MACROD2: variants seen among roughly 807,000 people sequenced by gnomAD.
MACROD2 encodes the protein mono-ADP ribosylhydrolase 2, also known as ADP-ribose glycohydrolase MACROD2.
Under a neutral mutation model 70.4 loss-of-function variants are expected in MACROD2, and 36 were observed. The ratio of observed to expected loss-of-function variants is 0.51; its 90% CI spans 0.39 to 0.68. The LOEUF is 0.68. Among genes scored for constraint, MACROD2 ranks in the 30% least tolerant of loss-of-function variants. The pLI is 0.00. For missense variants in MACROD2, 496 were observed against 538.4 expected (o/e 0.92, Z 0.78); for synonymous variants, 172 against 178.8 (o/e 0.96, Z 0.30).
At chr20:14,154,394 T>C (rs185733908) in intron 3 of MACROD2, among the ~76,000 whole-genome samples, 45 of 150,780 alleles carry the variant, frequency 3.0e-4, no homozygotes, top group Non-Finnish European at 3.4e-4. Flanking sequence ...CTTTTCTTTT[T>C]TTTTTTTTTT....
chr20:15,151,200 T>G (rs2076267115), intron 5 of MACROD2, among the ~76,000 whole-genome samples: 1 of 151,980 alleles, frequency 6.6e-6, no homozygotes, highest in Admixed American at 6.5e-5. Flanking sequence ...AGTCCAATTT[T>G]CAGTGGGGTC....
chr20:15,252,927 C>T (rs192573829), intron 6 of MACROD2, among the ~76,000 whole-genome samples: 25 of 152,294 alleles, frequency 1.6e-4, no homozygotes, highest in Middle Eastern at 3.4e-3. Flanking sequence ...TCAGCATATT[C>T]GCCCCTTGAC....
intron 3 of MACROD2, among the ~76,000 whole-genome samples, chr20:14,197,006 A>G (rs1475385280): frequency 6.6e-6 from 1 of 152,252 alleles, no homozygotes; most frequent in Non-Finnish European, 1.5e-5. Context: ...CATGCTGTAC[A>G]CACGGCATAT....
intron 6 of MACROD2, among the ~76,000 whole-genome samples, chr20:15,416,795 C>T (rs532761296): frequency 2.0e-5 from 3 of 151,864 alleles, no homozygotes; most frequent in East Asian, 1.9e-4. Flanking sequence ...CCCAGCTACT[C>T]GGGAGGCTGA....
intron 4 of MACROD2, among the ~76,000 whole-genome samples, chr20:14,576,876 T>C (rs141182220): frequency 6.6e-6 from 1 of 152,214 alleles, no homozygotes; most frequent in African/African-American, 2.4e-5. Context: ...TCAAAGTAAT[T>C]ACAGGATTTA....
At chr20:15,197,058 G>A (rs757240128) in intron 5 of MACROD2, 36 of 982,230 alleles carry the variant, frequency 3.7e-5, no homozygotes, top group Non-Finnish European at 4.2e-5. Context: ...ACTCTTATAA[G>A]GTCCTTATAA....
chr20:15,823,589 C>T (rs897340917), intron 8 of MACROD2, among the ~76,000 whole-genome samples: 10 of 152,060 alleles, frequency 6.6e-5, no homozygotes, highest in African/African-American at 1.7e-4. Flanking sequence ...CATTAAATAG[C>T]GGTCATCACG....
intron 6 of MACROD2, among the ~76,000 whole-genome samples, chr20:15,403,703 G>T (rs6043257): frequency 6.6e-6 from 1 of 152,096 alleles, no homozygotes. Flanking sequence ...AATATGAGCA[G>T]TTGCCCTGAT....
chr20:15,663,261 A>G (rs2049848416), intron 8 of MACROD2, among the ~76,000 whole-genome samples: 1 of 141,186 alleles, frequency 7.1e-6, no homozygotes, highest in African/African-American at 2.7e-5. Flanking sequence ...TTTGAGACAG[A>G]GTCTTGCTCT....
intron 5 of MACROD2, among the ~76,000 whole-genome samples, chr20:14,793,888 C>T (rs1021538059): frequency 8.6e-5 from 13 of 151,950 alleles, no homozygotes; most frequent in South Asian, 2.1e-4. Context: ...GAGCTATGGC[C>T]GGGGCTTCTC....
chr20:15,624,157 T>C (rs1430829612), intron 8 of MACROD2, among the ~76,000 whole-genome samples: 1 of 152,150 alleles, frequency 6.6e-6, no homozygotes, highest in African/African-American at 2.4e-5. Context: ...GCCAAAGAAC[T>C]TGGAGTCTGA....
intron 5 of MACROD2, among the ~76,000 whole-genome samples, chr20:14,756,404 T>TTTGTAAAA (rs1373678984): frequency 6.6e-6 from 1 of 152,126 alleles, no homozygotes; most frequent in Non-Finnish European, 1.5e-5. Flanking sequence ...TTTGACATAA[T>TTTGTAAAA]TTATGATTTG....
At chr20:15,192,070 C>A (rs2076576424) in intron 5 of MACROD2, among the ~76,000 whole-genome samples, 1 of 149,310 alleles carries the variant, frequency 6.7e-6, no homozygotes, top group Non-Finnish European at 1.5e-5. Flanking sequence ...ATCTAAAACT[C>A]TCTCTCTCTC....
chr20:15,089,220 C>T (rs1349716136), intron 5 of MACROD2, among the ~76,000 whole-genome samples: 1 of 152,096 alleles, frequency 6.6e-6, no homozygotes, highest in East Asian at 1.9e-4. Flanking sequence ...AGGCGTAATC[C>T]ACAGATTCTT....
At position 14,293,971 on chromosome 20, in the gene MACROD2, T is replaced by C. The variant is rs77757719; in HGVS notation, c.272-199508T>C. ...ATGGTGAATGAATATTAGGTTTGAG[T>C]TTTAAAGGGCAGTGAATCATTTGTT... On this transcript the variant is annotated intron_variant, in intron 3 of 17. Coordinates refer to ENST00000684519, the MANE Select transcript of MACROD2 (RefSeq NM_001351661.2). Among the ~76,000 whole-genome samples the C allele has an allele frequency of 5.0e-3, 755 of 151,776 alleles. 6 individuals carry two copies. The highest frequency in any genetic ancestry group is 9.3e-3 in the East Asian group (48 of 5,166).
chr20:15,582,505 A>C (rs2048539200), intron 8 of MACROD2, among the ~76,000 whole-genome samples: 1 of 152,216 alleles, frequency 6.6e-6, no homozygotes, highest in African/African-American at 2.4e-5. Context: ...TGTTTCTAAA[A>C]ATGCAGATTA....
At chr20:15,821,198 A>G (rs903143140) in intron 8 of MACROD2, among the ~76,000 whole-genome samples, 1 of 152,120 alleles carries the variant, frequency 6.6e-6, no homozygotes, top group Admixed American at 6.6e-5. Flanking sequence ...GCTTGTCTTC[A>G]TATTAAGTTG....
intron 4 of MACROD2, among the ~76,000 whole-genome samples, chr20:14,598,906 G>A (rs1266268800): frequency 6.6e-6 from 1 of 152,078 alleles, no homozygotes; most frequent in Admixed American, 6.6e-5. Flanking sequence ...TATACTCGAA[G>A]CACATCTTAA....
intron 5 of MACROD2, among the ~76,000 whole-genome samples, chr20:15,027,202 G>A (rs912401373): frequency 1.1e-4 from 16 of 152,188 alleles, no homozygotes; most frequent in Middle Eastern, 3.4e-3. Flanking sequence ...GTTAAAAAAT[G>A]TTTCTCAGGA....
Sources: allele counts gnomAD v4.1 joint callset (sites outside exome capture counted in the v4.1 genomes callset), GRCh38; gene constraint gnomAD v4.1.1; transcripts MANE v1.5; gene names NCBI Gene and HGNC (gene_info 2026-07-23, HGNC 2026-07-21).